LDB3: variants seen among roughly 807,000 people sequenced by gnomAD.
LDB3 encodes LIM domain-binding protein 3.
In LDB3, 49 loss-of-function variants were observed where a neutral mutation model predicts 69.0. The ratio of observed to expected loss-of-function variants is 0.71; its 90% confidence interval spans 0.56 to 0.90. LDB3 has a LOEUF of 0.90. LDB3 is among the 40% of genes least tolerant of loss of function. The pLI is 0.00. For missense variants in LDB3, 928 were observed against 974.1 expected (o/e 0.95, Z 0.63); for synonymous variants, 387 against 396.2 (o/e 0.98, Z 0.28).
At chr10:86,684,739 C>A (rs1175024159) in intron 5 of LDB3, among the ~76,000 whole-genome samples, 1 of 152,226 alleles carries the variant, frequency 6.6e-6, no homozygotes, top group African/African-American at 2.4e-5. Context: ...CTACAGCCCA[C>A]ACTGGGCAGA....
At chr10:86,666,899 C>A, upstream of LDB3, 1 of 468,336 alleles carries the variant, frequency 2.1e-6, no homozygotes, top group Non-Finnish European at 4.4e-6. Context: ...CTTCCTTCTC[C>A]CACACTGGTT....
intron 7 of LDB3, among the ~76,000 whole-genome samples, chr10:86,702,814 T>C (rs1846313139): frequency 1.3e-5 from 2 of 152,182 alleles, no homozygotes; most frequent in Admixed American, 1.3e-4. Context: ...TACCCTTTGA[T>C]GCCTCCTCTG....
intron 9 of LDB3, 101 bp downstream of exon 9, chr10:86,710,151 T>G: frequency 1.3e-6 from 2 of 1,551,414 alleles, no homozygotes. Context: ...CCCAGAAGAA[T>G]GGGAAGCAAG....
In LDB3 at chr10:86,699,179, C is replaced by CA; in HGVS notation, c.896+6609dup. The CA allele has an allele frequency of 7.1e-7, 1 of 1,400,190 alleles. No homozygotes were observed. 86.7% of individuals were successfully genotyped at this position (1,400,190 alleles called of 1,614,324 possible). A position where few individuals can be genotyped will look rare whatever the true frequency, so the allele number is the denominator to read the frequency against. On this transcript the variant is annotated intron_variant, in intron 7 of 13. Transcript: ENST00000361373. The surrounding 1 kb of genome is among the most constrained non-coding windows in gnomAD (Gnocchi z 4.9). ...ACCTGTTAGACAGGGGAATGGTGAA[C>CA]ACATTCCCTAACCCCTTTCATTCTC...
At chr10:86,681,039 A>G (rs1845090304) in intron 4 of LDB3, among the ~76,000 whole-genome samples, 1 of 152,238 alleles carries the variant, frequency 6.6e-6, no homozygotes, top group Admixed American at 6.5e-5. Flanking sequence ...CAGGAACTTC[A>G]TCTCACTGGC....
intron 5 of LDB3, among the ~76,000 whole-genome samples, chr10:86,688,893 G>C (rs2132404528): frequency 6.6e-6 from 1 of 152,246 alleles, no homozygotes; most frequent in Middle Eastern, 3.4e-3. Context: ...ATGCACTGTT[G>C]ATTAATCGAG....
chr10:86,699,752 G>A lies in LDB3; in HGVS notation c.897-6779G>A, dbSNP rs1846176651. 2.7e-6 allele frequency: 3 copies of A among 1,106,368 alleles called. No homozygotes were observed. The highest frequency in any genetic ancestry group is 3.3e-6 in the Non-Finnish European group (3 of 900,488). The allele number at this position is 1,106,368 out of a possible 1,614,324, so 68.5% of individuals were successfully genotyped here. ...GCTGCTCAGTTTCCCACCATCCTCA[G>A]CTCCTGGCCTCATCCCCTCCTAGAA... On this transcript the variant is annotated intron_variant, in intron 7 of 13. Transcript: ENST00000361373. This position sits in a 1 kb window ranked among gnomAD's most constrained non-coding sequence, Gnocchi z 4.9.
Position 86,668,745 on chromosome 10 carries a change from G to A in LDB3, c.54G>A (p.Gln18=), listed in dbSNP as rs149348427. 1 of 1,613,280 alleles carries A rather than the reference G, an allele frequency of 6.2e-7. No individual in the cohort carries two copies. The highest frequency in any genetic ancestry group is 8.5e-7 in the Non-Finnish European group (1 of 1,179,960). ...CCGGGCCCTGGGGCTTCCGTCTGCA[G>A]GGGGGCAAGGACTTCAACATGCCCC... ...TGPGPWGFRL[Q]GGKDFNMPLT... Residue 18 remains glutamine (Q), a synonymous_variant, in exon 2 of 14, where the codon CAG becomes CAA. Coordinates refer to ENST00000361373, the MANE Select transcript of LDB3 (RefSeq NM_007078.3).
intron 7 of LDB3, among the ~76,000 whole-genome samples, chr10:86,698,255 G>T (rs1846092500): frequency 1.3e-5 from 2 of 152,220 alleles, no homozygotes; most frequent in South Asian, 4.1e-4. Flanking sequence ...CCAAGTGGTT[G>T]AGTGTCCCAA....
chr10:86,698,455 G>A (rs1846103959), intron 7 of LDB3, among the ~76,000 whole-genome samples: 1 of 152,190 alleles, frequency 6.6e-6, no homozygotes, highest in South Asian at 2.1e-4. Flanking sequence ...TGGAAGGCCT[G>A]GATTCTGACG....
At chr10:86,683,413 G>C (rs746549550) in intron 5 of LDB3, among the ~76,000 whole-genome samples, 2 of 152,246 alleles carry the variant, frequency 1.3e-5, no homozygotes, top group African/African-American at 2.4e-5. Flanking sequence ...CAGCTAGTAA[G>C]TGGCAGACAG....
chr10:86,692,062 T>C lies in LDB3; in HGVS notation c.856T>C (p.Phe286Leu). Residue 286 changes from phenylalanine (F) to leucine (L), a missense_variant, in exon 6 of 14, where the codon TTC (phenylalanine) becomes CTC (leucine). Physicochemically the swap from Phe to Leu is conservative, Grantham distance 22 (BLOSUM62 0). Transcript: ENST00000361373. ...CCTGGCCCAGATGACGGGGACAGAATTCAGTGAGTGCAGGCTCTCAGGGTG... is the reference window on the plus strand; with the variant it reads ...CCTGGCCCAGATGACGGGGACAGAACTCAGTGAGTGCAGGCTCTCAGGGTG... The part of the protein sequence containing the change: ...RILAQMTGTE[F>L]MQDPDEEALR... 2 of 1,613,994 alleles carry C rather than the reference T, an allele frequency of 1.2e-6. No homozygotes were observed. Among genetic ancestry groups the C allele is most frequent in the South Asian group, 1.1e-5 (1 of 91,080 alleles).
chr10:86,712,392 G>A (rs1846702669), intron 9 of LDB3, among the ~76,000 whole-genome samples: 1 of 152,178 alleles, frequency 6.6e-6, no homozygotes, highest in Admixed American at 6.5e-5. Flanking sequence ...GGAAAGGTGG[G>A]CCAGGGCCCT....
chr10:86,715,477 C>T (rs114790092), intron 9 of LDB3, among the ~76,000 whole-genome samples: 2,936 of 152,236 alleles, frequency 0.019, 77 homozygotes, highest in African/African-American at 0.057. Context: ...GAGCCCAAAA[C>T]GTTTTTCTGC....
chr10:86,703,466 T>G (rs952521059), intron 7 of LDB3, among the ~76,000 whole-genome samples: 5 of 152,202 alleles, frequency 3.3e-5, no homozygotes, highest in African/African-American at 1.2e-4. Context: ...CAAGACCGCC[T>G]CCCTGAGCAT....
At position 86,680,087 on chromosome 10, in the gene LDB3, A is replaced by G. The variant is rs1845027245; in HGVS notation, c.251A>G (p.Lys84Arg). The change falls in exon 4 of 14, where the codon AAG becomes AGG. Residue 84 changes from lysine to arginine, a missense_variant. Coordinates refer to ENST00000361373, the MANE Select transcript of LDB3 (RefSeq NM_007078.3). ...YNLSLTLQKS[K>R]RPIPISTTAP... is the part of the protein sequence containing the mutation. ...CTCATTTCTGGTTTCTACAGATCAA[A>G]GCGTCCCATTCCCATCTCCACGACA... 7 of 1,614,102 alleles carry G rather than the reference A, an allele frequency of 4.3e-6. No homozygotes were observed. The highest frequency in any genetic ancestry group is 5.9e-6 in the Non-Finnish European group (7 of 1,179,944).
At chr10:86,730,145 A>G (rs968839513) in intron 13 of LDB3, among the ~76,000 whole-genome samples, 2 of 152,098 alleles carry the variant, frequency 1.3e-5, no homozygotes, top group East Asian at 3.9e-4. Context: ...AACGTCCCCA[A>G]CTGGACCATC....
chr10:86,728,916 T>A (rs976687588), intron 13 of LDB3, among the ~76,000 whole-genome samples: 4 of 150,478 alleles, frequency 2.7e-5, no homozygotes, highest in Non-Finnish European at 5.9e-5. Flanking sequence ...AATCTTTTGA[T>A]TGGAAAACTT....
Position 86,706,575 on chromosome 10 carries a change from C to CCCCGCTGCTG in LDB3, c.948_957dup (p.Ser320AlafsTer70), listed in dbSNP as rs760482922. The CCCCGCTGCTG allele has an allele frequency of 3.1e-6, 5 of 1,613,082 alleles. No individual in the cohort carries two copies. In the African/African-American group the frequency reaches 5.3e-5, roughly 17 times the overall value. The stretch of plus-strand genomic sequence containing the variant: ...CCGGTGTGCACCAGCCAGGCCACCA[C>CCCCGCTGCTG]CCCGCTGCTGCCCGCTTCTGCCCAG... On this transcript the variant is annotated frameshift_variant, in exon 8 of 14. Transcript: ENST00000361373. LOFTEE classifies it high-confidence loss of function.
Sources: gnomAD v4.1 joint callset for allele counts (sites outside exome capture counted in the v4.1 genomes callset) on GRCh38, gnomAD v4.1.1 for gene constraint, Gnocchi (gnomAD v3.1) non-coding constraint, MANE v1.5 for transcripts, NCBI Gene and HGNC (gene_info 2026-07-23, HGNC 2026-07-21) for gene names.